The following CNBD1 variants were observed in gnomAD, a reference collection of about 807,000 sequenced individuals.
CNBD1 encodes the protein cyclic nucleotide binding domain containing 1.
A neutral mutation model predicts 54.4 loss-of-function variants in CNBD1; 71 were observed. The observed-to-expected ratio is 1.30, with a 90% CI of 1.08 to 1.59. The LOEUF is 1.59. Ranked by LOEUF, CNBD1 falls within the 40% of genes most tolerant of loss-of-function variation. The pLI, the probability that CNBD1 is intolerant of heterozygous loss-of-function variation, is 0.00. For synonymous variants in CNBD1, 182 were observed against 170.7 expected (o/e 1.07, Z -0.51); for missense variants, 659 against 518.0 (o/e 1.27, Z -2.64).
At chr8:87,340,608 T>C (rs900713610) in intron 8 of CNBD1, among the ~76,000 whole-genome samples, 1 of 148,042 alleles carries the variant, frequency 6.8e-6, no homozygotes, top group East Asian at 2.0e-4. Flanking sequence ...TCTGTTGTTG[T>C]TTTTTTTCCT....
intron 4 of CNBD1, among the ~76,000 whole-genome samples, chr8:87,105,136 T>A (rs1006074688): frequency 2.6e-5 from 4 of 152,226 alleles, no homozygotes; most frequent in African/African-American, 9.6e-5. Flanking sequence ...GGGTTTTTTT[T>A]AATTTAAAGG....
intron 2 of CNBD1, among the ~76,000 whole-genome samples, chr8:87,416,390 G>C (rs1193031783): frequency 6.6e-6 from 1 of 151,982 alleles, no homozygotes; most frequent in Non-Finnish European, 1.5e-5. Flanking sequence ...ATTTATTCAA[G>C]AAAAGTGGAT....
intron 4 of CNBD1, among the ~76,000 whole-genome samples, chr8:87,159,888 G>A (rs1270584322): frequency 6.6e-6 from 1 of 151,976 alleles, no homozygotes; most frequent in East Asian, 1.9e-4. Flanking sequence ...TATATTTAAA[G>A]GGGGTGGATA....
At chr8:87,282,323 T>C (rs1302453734) in intron 6 of CNBD1, among the ~76,000 whole-genome samples, 2 of 151,718 alleles carry the variant, frequency 1.3e-5, no homozygotes, top group East Asian at 3.9e-4. Context: ...AATTATTATA[T>C]ATCAATAATG....
chr8:87,019,261 T>A (rs1251078751), intron 4 of CNBD1, among the ~76,000 whole-genome samples: 2 of 152,032 alleles, frequency 1.3e-5, no homozygotes, highest in African/African-American at 4.8e-5. Flanking sequence ...TTTAAAAAAG[T>A]CACAAATGCC....
At chr8:87,242,598 C>T (rs1232126985) in intron 6 of CNBD1, among the ~76,000 whole-genome samples, 2 of 152,148 alleles carry the variant, frequency 1.3e-5, no homozygotes, top group Non-Finnish European at 2.9e-5. Flanking sequence ...CAAGTTGTCC[C>T]ACCTTTCCAG....
downstream of CNBD1, among the ~76,000 whole-genome samples, chr8:87,385,254 G>T (rs777675148): frequency 6.6e-6 from 1 of 152,154 alleles, no homozygotes. Context: ...TCTCACTGGG[G>T]AGTGTTGGAC....
chr8:87,379,977 G>C lies in CNBD1; in HGVS notation c.1304-2643G>C, dbSNP rs57115420. ...AACATTTACCAAGTGGTAAAATCTA[G>C]ATTATGACAAAAATTTCAGACATCA... On this transcript the variant is annotated intron_variant, in intron 10 of 10. Transcript: ENST00000518476. Among the ~76,000 whole-genome samples, 1,033 of 151,832 alleles carry C rather than the reference G, an allele frequency of 6.8e-3. 16 individuals are homozygous for C. The highest frequency in any genetic ancestry group is 0.023 in the African/African-American group (972 of 41,382).
chr8:87,062,002 C>A (rs536559996), intron 4 of CNBD1, among the ~76,000 whole-genome samples: 21 of 152,218 alleles, frequency 1.4e-4, no homozygotes, highest in Admixed American at 1.0e-3. Flanking sequence ...AGATAGTTGT[C>A]CATTGGTGAG....
chr8:87,376,125 G>A (rs1810926511), intron 10 of CNBD1, among the ~76,000 whole-genome samples: 1 of 151,844 alleles, frequency 6.6e-6, no homozygotes, highest in African/African-American at 2.4e-5. Flanking sequence ...GACTGTAAAG[G>A]AAATATAGTT....
chr8:87,426,391 T>C (rs994680539), intron 2 of CNBD1, among the ~76,000 whole-genome samples: 1 of 152,154 alleles, frequency 6.6e-6, no homozygotes, highest in Non-Finnish European at 1.5e-5. Flanking sequence ...ATGATCGGAG[T>C]AATGTAAGGT....
chr8:87,288,201 T>C (rs1311003237), intron 8 of CNBD1, among the ~76,000 whole-genome samples: 1 of 152,092 alleles, frequency 6.6e-6, no homozygotes, highest in East Asian at 1.9e-4. Context: ...TCTTTTGTTT[T>C]GGACAATTTT....
At chr8:87,082,430 A>T (rs1811015625) in intron 4 of CNBD1, among the ~76,000 whole-genome samples, 1 of 152,176 alleles carries the variant, frequency 6.6e-6, no homozygotes, top group Non-Finnish European at 1.5e-5. Context: ...GACTCTCTTC[A>T]CAGGGATGTG....
At chr8:87,427,324 A>G (rs1417249819) in intron 2 of CNBD1, among the ~76,000 whole-genome samples, 1 of 152,152 alleles carries the variant, frequency 6.6e-6, no homozygotes, top group Admixed American at 6.5e-5. Context: ...AAATTCTGTC[A>G]TTTAGAGCAG....
At chr8:87,360,140 A>G (rs1184974840) in intron 10 of CNBD1, among the ~76,000 whole-genome samples, 1 of 152,006 alleles carries the variant, frequency 6.6e-6, no homozygotes. Context: ...AAAGAGAGCA[A>G]TTCACTCACT....
At chr8:87,071,198 A>G (rs1810752859) in intron 4 of CNBD1, among the ~76,000 whole-genome samples, 2 of 152,122 alleles carry the variant, frequency 1.3e-5, no homozygotes, top group Non-Finnish European at 2.9e-5. Flanking sequence ...TGGTTATTCA[A>G]TATATAAATT....
intron 4 of CNBD1, among the ~76,000 whole-genome samples, chr8:87,127,581 C>T (rs1322969133): frequency 6.6e-6 from 1 of 152,058 alleles, no homozygotes; most frequent in Non-Finnish European, 1.5e-5. Flanking sequence ...TCTCCATGGA[C>T]AATTATGTTG....
chr8:87,066,402 A>G (rs1810655111), intron 4 of CNBD1, among the ~76,000 whole-genome samples: 1 of 151,966 alleles, frequency 6.6e-6, no homozygotes, highest in Admixed American at 6.6e-5. Flanking sequence ...TCTCCTCTAC[A>G]TGAGTGAGTG....
chr8:87,164,644 C>T (rs1812924254), intron 4 of CNBD1, among the ~76,000 whole-genome samples: 1 of 151,444 alleles, frequency 6.6e-6, no homozygotes, highest in Admixed American at 6.6e-5. Flanking sequence ...GTAATGTCTC[C>T]TCTTTAATTT....
Sources: gnomAD v4.1 joint callset for allele counts (sites outside exome capture counted in the v4.1 genomes callset) on GRCh38, gnomAD v4.1.1 for gene constraint, MANE v1.5 for transcripts, NCBI Gene and HGNC (gene_info 2026-07-23, HGNC 2026-07-21) for gene names.